The following LEPROTL1 variants were observed in gnomAD, a reference collection of about 807,000 sequenced individuals.
The protein encoded by LEPROTL1 is leptin receptor overlapping transcript like 1.
A neutral mutation model predicts 15.4 loss-of-function variants in LEPROTL1; 6 were observed. The observed-to-expected ratio is 0.39, with a 90% CI of 0.21 to 0.77. The LOEUF (loss-of-function observed/expected upper bound fraction) is 0.77, where lower values mean the gene tolerates loss of function less well. Among genes scored for constraint, LEPROTL1 ranks in the 30% least tolerant of loss-of-function variants. LEPROTL1 has a pLI of 0.41. For missense variants in LEPROTL1, 128 were observed against 158.1 expected, an observed-to-expected ratio of 0.81 and a Z score of 1.02; for synonymous variants, 56 against 52.6, an observed-to-expected ratio of 1.06 and a Z score of -0.28.
At chr8:30,133,071 A>T (rs1239413039) in intron 4 of LEPROTL1, among the ~76,000 whole-genome samples, 1 of 152,192 alleles carries the variant, frequency 6.6e-6, no homozygotes, top group Admixed American at 6.5e-5. Flanking sequence ...AAAATAAAAT[A>T]AATCAATCTT....
exon 5 of LEPROTL1, chr8:30,137,527 T>C: frequency 6.7e-7 from 1 of 1,485,298 alleles, no homozygotes; most frequent in South Asian, 1.2e-5. Flanking sequence ...TGCCAGACAC[T>C]GCACCATGTA....
At chr8:30,131,947 T>C in intron 3 of LEPROTL1, 1 of 1,542,984 alleles carries the variant, frequency 6.5e-7, no homozygotes, top group African/African-American at 1.4e-5. Context: ...AAGATGTCAG[T>C]TACATTTGTG....
intron 3 of LEPROTL1, among the ~76,000 whole-genome samples, chr8:30,117,161 C>G (rs1440492846): frequency 2.6e-5 from 4 of 152,038 alleles, no homozygotes; most frequent in African/African-American, 4.8e-5. Flanking sequence ...AGAAGATGAT[C>G]ATCGCTTTAC....
intron 3 of LEPROTL1, chr8:30,131,970 CA>C: frequency 6.5e-7 from 1 of 1,549,408 alleles, no homozygotes; most frequent in Non-Finnish European, 8.7e-7. Context: ...TTCTCTTCGC[CA>C]ATAGCAAAAG....
intron 1 of LEPROTL1, chr8:30,095,766 G>C (rs1802351250): frequency 4.3e-6 from 3 of 696,562 alleles, no homozygotes; most frequent in Admixed American, 2.0e-5. Flanking sequence ...TGCCGATTTC[G>C]GCAGCCTCTC....
chr8:30,131,951 A>G (rs1803023745), intron 3 of LEPROTL1: 1 of 1,547,070 alleles, frequency 6.5e-7, no homozygotes, highest in Non-Finnish European at 8.7e-7. Context: ...TGTCAGTTAC[A>G]TTTGTGCTTT....
At position 30,107,646 on chromosome 8, in the gene LEPROTL1, G is replaced by A; in HGVS notation, c.*1784G>A. The A allele has an allele frequency of 1.0e-6, 1 of 985,764 alleles. No homozygotes were observed. The highest frequency in any genetic ancestry group is 1.7e-5 in the African/African-American group (1 of 57,366). 61.1% of individuals were successfully genotyped at this position (985,764 alleles called of 1,614,324 possible). ...GCCTTCCCACTGGAGGCTGAAAGTG[G>A]CTTGTGGTATTATAATGTTCAGATT... On this transcript the variant is annotated 3_prime_UTR_variant, in exon 4 of 4. Coordinates refer to ENST00000321250, the MANE Select transcript of LEPROTL1 (RefSeq NM_015344.3).
At chr8:30,098,589 C>T (rs1237106259) in intron 1 of LEPROTL1, among the ~76,000 whole-genome samples, 1 of 152,174 alleles carries the variant, frequency 6.6e-6, no homozygotes, top group East Asian at 1.9e-4. Flanking sequence ...GCTGTCTTAA[C>T]AGTACCTTTA....
At chr8:30,138,111 C>T (rs752873768), downstream of LEPROTL1, 4 of 170,844 alleles carry the variant, frequency 2.3e-5, no homozygotes, top group Non-Finnish European at 5.2e-5. Flanking sequence ...ACTCACTGGC[C>T]TCCCCCTACC....
downstream of LEPROTL1, among the ~76,000 whole-genome samples, chr8:30,109,751 G>A (rs1211911663): frequency 1.3e-5 from 2 of 152,108 alleles, no homozygotes. Context: ...AATCAATTAT[G>A]TAACATTTCT....
intron 1 of LEPROTL1, among the ~76,000 whole-genome samples, chr8:30,100,674 C>T (rs1020222503): frequency 2.0e-5 from 3 of 152,254 alleles, no homozygotes; most frequent in Admixed American, 1.3e-4. Flanking sequence ...TGGTCTCAAA[C>T]CCCCAACCTC....
chr8:30,122,526 C>T (rs984863715), intron 3 of LEPROTL1, among the ~76,000 whole-genome samples: 2 of 152,170 alleles, frequency 1.3e-5, no homozygotes, highest in Non-Finnish European at 1.5e-5. Context: ...CATGGTGGCT[C>T]ACGCCTGTAA....
At position 30,132,133 on chromosome 8, in the gene LEPROTL1, G is replaced by A. The variant is rs763543148; in HGVS notation, c.280-242G>A. The A allele has an allele frequency of 2.4e-5, 37 of 1,551,588 alleles. No individual in the cohort carries two copies. In the South Asian group the frequency reaches 3.7e-4, roughly 15 times the overall value. On this transcript the variant is annotated intron_variant, in intron 3 of 4. Transcript: ENST00000442880. ...GAGGGTTCTATAGAACAGCCTCATCGGCCAGGATCTGATAAACTCATTGGC... is the reference window on the plus strand; with the variant it reads ...GAGGGTTCTATAGAACAGCCTCATCAGCCAGGATCTGATAAACTCATTGGC...
intron 4 of LEPROTL1, chr8:30,132,859 G>A (rs780304488): frequency 8.4e-6 from 13 of 1,549,408 alleles, no homozygotes; most frequent in African/African-American, 4.1e-5. Flanking sequence ...AGAGAGGGAC[G>A]TGACCCTCTG....
chr8:30,128,570 G>A (rs1202763665), intron 3 of LEPROTL1, among the ~76,000 whole-genome samples: 1 of 151,886 alleles, frequency 6.6e-6, no homozygotes, highest in Non-Finnish European at 1.5e-5. Context: ...GGGCAACATG[G>A]CAAAACCCTG....
In LEPROTL1 at chr8:30,137,393, T is replaced by C. The variant is rs1217273847; in HGVS notation, c.*81T>C. The C allele has an allele frequency of 5.2e-6, 8 of 1,551,502 alleles. No homozygotes were observed. In the Admixed American group the frequency reaches 1.2e-4, roughly 23 times the overall value. On this transcript the variant is annotated 3_prime_UTR_variant, in exon 5 of 5. Coordinates refer to the LEPROTL1 transcript ENST00000442880. Reference sequence around the variant, plus strand: ...AGAAGATTGTTACCTGCAAGCAGAGTGTCCACTCAACCCGTGCTGAGGCTG... The same window carrying C: ...AGAAGATTGTTACCTGCAAGCAGAGCGTCCACTCAACCCGTGCTGAGGCTG...
chr8:30,108,921 C>T (rs190535884), downstream of LEPROTL1, among the ~76,000 whole-genome samples: 182 of 152,268 alleles, frequency 1.2e-3, no homozygotes, highest in African/African-American at 3.2e-3. Flanking sequence ...TGCACCACCA[C>T]GCCTGGCTAA....
Position 30,106,688 on chromosome 8 carries a change from CTATT to C in LEPROTL1, c.*830_*833del, listed in dbSNP as rs1411365697. On this transcript the variant is annotated 3_prime_UTR_variant, in exon 4 of 4. Coordinates refer to ENST00000321250, the MANE Select transcript of LEPROTL1 (RefSeq NM_015344.3). ...AAATTCCAGTTTTTGAATCCTGTTT[CTATT>C]TATAAGTGAAATTTGTGATCTCCTA... 1 of 984,120 alleles carries C rather than the reference CTATT, an allele frequency of 1.0e-6. No individual in the cohort carries two copies. The highest frequency in any genetic ancestry group is 1.8e-5 in the African/African-American group (1 of 57,126). 61.0% of individuals were successfully genotyped at this position (984,120 alleles called of 1,614,324 possible).
At chr8:30,109,869 AT>A (rs1763071353), downstream of LEPROTL1, among the ~76,000 whole-genome samples, 1 of 151,804 alleles carries the variant, frequency 6.6e-6, no homozygotes, top group South Asian at 2.1e-4. Context: ...TAAGAAAAAA[AT>A]AATTTTTAAC....
Sources: gnomAD v4.1 joint callset for allele counts (sites outside exome capture counted in the v4.1 genomes callset) on GRCh38, gnomAD v4.1.1 for gene constraint, MANE v1.5 for transcripts, NCBI Gene and HGNC (gene_info 2026-07-23, HGNC 2026-07-21) for gene names.